TAOK1: variants seen among roughly 807,000 people sequenced by gnomAD.
TAOK1 encodes the protein serine/threonine-protein kinase TAO1.
In TAOK1, 21 loss-of-function variants were observed where a neutral mutation model predicts 138.3. The observed-to-expected ratio is 0.15, with a 90% confidence interval of 0.11 to 0.22. The LOEUF (loss-of-function observed/expected upper bound fraction) is 0.22. Among genes scored for constraint, TAOK1 ranks in the 10% least tolerant of loss-of-function variants. The pLI, the probability that TAOK1 is intolerant of heterozygous loss-of-function variation, is 1.00. For synonymous variants in TAOK1, 361 were observed against 398.4 expected (o/e 0.91, Z 1.12); for missense variants, 651 against 1,227.7 (o/e 0.53, Z 7.02).
chr17:29,461,105 G>C (rs1000428374), intron 2 of TAOK1, among the ~76,000 whole-genome samples: 1 of 151,984 alleles, frequency 6.6e-6, no homozygotes, highest in African/African-American at 2.4e-5. Context: ...AAAACAAATT[G>C]TTCTAAGTCA....
intron 1 of TAOK1, among the ~76,000 whole-genome samples, chr17:29,433,292 G>A (rs1179493950): frequency 2.6e-5 from 4 of 151,886 alleles, no homozygotes; most frequent in African/African-American, 7.3e-5. Context: ...TTAGCTGGAC[G>A]TGGTGGCGGG....
At chr17:29,473,539 T>C (rs60901580) in intron 3 of TAOK1, among the ~76,000 whole-genome samples, 1 of 147,958 alleles carries the variant, frequency 6.8e-6, no homozygotes, top group African/African-American at 2.5e-5. Context: ...GCAGAAGTTG[T>C]AGTGAGCCAA....
rs140637341 is a variant in TAOK1, at chr17:29,437,253, G to A, written c.-94-14202G>A. On this transcript the variant is annotated intron_variant, in intron 1 of 19. Transcript: ENST00000261716. ...TAATTTTTGTATTTTTAGTAAAGAC[G>A]GGGTTACACCATGTTGGCCAGGCTG... Among the ~76,000 whole-genome samples, 316 of 151,656 alleles carry A rather than the reference G, an allele frequency of 2.1e-3. 3 individuals carry two copies. The highest frequency in any genetic ancestry group is 7.2e-3 in the African/African-American group (297 of 41,392).
intron 16 of TAOK1, among the ~76,000 whole-genome samples, chr17:29,519,181 T>C (rs2031872239): frequency 6.6e-6 from 1 of 152,074 alleles, no homozygotes; most frequent in South Asian, 2.1e-4. Flanking sequence ...AATTATTAAT[T>C]GGGTAAATGT....
At position 29,551,348 on chromosome 17, in the gene TAOK1, C is replaced by G. The variant is rs968927847; in HGVS notation, c.*8326C>G. ...GGTTTCTTGCCTCCTTTTTTGGCAGCCTTCATCTTCTCATCTCCCAAACCC... is the reference window on the plus strand; with the variant it reads ...GGTTTCTTGCCTCCTTTTTTGGCAGGCTTCATCTTCTCATCTCCCAAACCC... On this transcript the variant is annotated 3_prime_UTR_variant, in exon 20 of 20. Coordinates refer to ENST00000261716, the MANE Select transcript of TAOK1 (RefSeq NM_020791.4). 2 of 152,048 alleles carry G rather than the reference C, an allele frequency of 1.3e-5. No homozygotes were observed. The highest frequency in any genetic ancestry group is 2.9e-5 in the Non-Finnish European group (2 of 67,996). 9.4% of individuals were successfully genotyped at this position (152,048 alleles called of 1,614,324 possible).
At chr17:29,476,868 CAG>C (rs1304127662) in intron 4 of TAOK1, among the ~76,000 whole-genome samples, 1 of 146,320 alleles carries the variant, frequency 6.8e-6, no homozygotes, top group African/African-American at 2.5e-5. Flanking sequence ...TATTTTGAGA[CAG>C]AGTCTCACTC....
intron 16 of TAOK1, among the ~76,000 whole-genome samples, chr17:29,519,206 T>G (rs2031872778): frequency 6.6e-6 from 1 of 152,206 alleles, no homozygotes; most frequent in Admixed American, 6.6e-5. Context: ...GAAACTCTTC[T>G]GCCAATGAAA....
intron 15 of TAOK1, among the ~76,000 whole-genome samples, chr17:29,516,890 T>C (rs553568478): frequency 9.2e-5 from 14 of 152,196 alleles, no homozygotes; most frequent in African/African-American, 2.9e-4. Context: ...TGGTGTGATC[T>C]TGACTCACTG....
At chr17:29,406,766 C>T (rs975529032) in intron 1 of TAOK1, among the ~76,000 whole-genome samples, 2 of 152,108 alleles carry the variant, frequency 1.3e-5, no homozygotes, top group African/African-American at 2.4e-5. Flanking sequence ...CAGGGTTTCT[C>T]CATGTTGCCT....
rs557406398 is a variant in TAOK1, at chr17:29,497,195, C to T, written c.1000-1123C>T. On this transcript the variant is annotated intron_variant, in intron 11 of 19. Transcript: ENST00000261716. Reference sequence around the variant, plus strand: ...TTTATTCTTTTCTATTGCTTTCCATCGAGAGAGACCACTTTGTATTCTGAA... The same window carrying T: ...TTTATTCTTTTCTATTGCTTTCCATTGAGAGAGACCACTTTGTATTCTGAA... Among the ~76,000 whole-genome samples, 13 of 152,052 alleles carry T rather than the reference C, an allele frequency of 8.5e-5. No individual in the cohort carries two copies. The South Asian group carries it at 2.1e-3, about 24-fold the overall frequency.
At chr17:29,479,156 A>C (rs1274992967) in intron 6 of TAOK1, among the ~76,000 whole-genome samples, 4 of 152,080 alleles carry the variant, frequency 2.6e-5, no homozygotes, top group East Asian at 1.9e-4. Flanking sequence ...AAAAAAAAAA[A>C]AAAACAGAAG....
At chr17:29,403,516 G>A (rs1483482523) in intron 1 of TAOK1, among the ~76,000 whole-genome samples, 2 of 152,086 alleles carry the variant, frequency 1.3e-5, no homozygotes, top group Non-Finnish European at 2.9e-5. Flanking sequence ...ACTTTGTATA[G>A]TATATGTTGT....
chr17:29,395,206 C>T (rs1047827074), intron 1 of TAOK1, among the ~76,000 whole-genome samples: 1 of 152,028 alleles, frequency 6.6e-6, no homozygotes, highest in African/African-American at 2.4e-5. Flanking sequence ...ATCATGCCAC[C>T]GCACTCTAGC....
In TAOK1 at chr17:29,542,837, C is replaced by T; in HGVS notation, c.2821C>T (p.Pro941Ser). The change falls in exon 20 of 20, where the codon CCC becomes TCC. Residue 941 changes from proline to serine, a missense_variant. Coordinates refer to ENST00000261716, the MANE Select transcript of TAOK1 (RefSeq NM_020791.4). ...TTGGGGCCATCCAATGCAAGGTGGA[C>T]CCCAGCCATGGGGTCACCCTTCAGG... ...QAWGHPMQGGPQPWGHPSGPM... is the reference protein window; with the variant it reads ...QAWGHPMQGGSQPWGHPSGPM... 1 of 1,614,152 alleles carries T rather than the reference C, an allele frequency of 6.2e-7. No homozygotes were observed. Among genetic ancestry groups the T allele is most frequent in the Non-Finnish European group, 8.5e-7 (1 of 1,180,002 alleles).
chr17:29,444,514 A>G (rs1392265049), intron 1 of TAOK1, among the ~76,000 whole-genome samples: 2 of 152,160 alleles, frequency 1.3e-5, no homozygotes, highest in South Asian at 2.1e-4. Context: ...GTGTATTTAT[A>G]TATTTTATTT....
intron 8 of TAOK1, among the ~76,000 whole-genome samples, chr17:29,486,219 G>A (rs1235685965): frequency 6.6e-6 from 1 of 152,128 alleles, no homozygotes; most frequent in African/African-American, 2.4e-5. Context: ...AGCCCAGGAG[G>A]TCAAGGTTGC....
At chr17:29,432,110 A>G (rs1905857517) in intron 1 of TAOK1, among the ~76,000 whole-genome samples, 1 of 152,208 alleles carries the variant, frequency 6.6e-6, no homozygotes, top group South Asian at 2.1e-4. Context: ...TGGAGTGGGA[A>G]ATCAGGGGGC....
chr17:29,472,459 G>A (rs1470767786), intron 3 of TAOK1, among the ~76,000 whole-genome samples: 1 of 151,978 alleles, frequency 6.6e-6, no homozygotes, highest in Non-Finnish European at 1.5e-5. Context: ...TGCCATGTTG[G>A]CCAGGCTGGT....
At chr17:29,406,791 C>T (rs368088065) in intron 1 of TAOK1, among the ~76,000 whole-genome samples, 2 of 152,186 alleles carry the variant, frequency 1.3e-5, no homozygotes, top group South Asian at 2.1e-4. Flanking sequence ...TGGTCTTGAA[C>T]TCCCGGGCTA....
Sources: gnomAD v4.1 joint callset for allele counts (sites outside exome capture counted in the v4.1 genomes callset) on GRCh38, gnomAD v4.1.1 for gene constraint, MANE v1.5 for transcripts, NCBI Gene and HGNC (gene_info 2026-07-23, HGNC 2026-07-21) for gene names.